Variants in FGD6 observed in about 807,000 individuals in gnomAD.
FGD6 encodes FYVE, RhoGEF and PH domain containing 6, also known as FYVE, RhoGEF and PH domain-containing protein 6.
Under a neutral mutation model 149.4 loss-of-function variants are expected in FGD6, and 90 were observed. The observed-to-expected ratio is 0.60, with a 90% CI of 0.51 to 0.72. The LOEUF is 0.72. Ranked by LOEUF, FGD6 falls within the 30% of genes least tolerant of loss-of-function variation. The pLI is 0.00. For missense variants in FGD6, 1,437 were observed against 1,684.8 expected, an observed-to-expected ratio of 0.85 and a Z score of 2.57; for synonymous variants, 527 against 584.0, an observed-to-expected ratio of 0.90 and a Z score of 1.41.
chr12:95,181,809 C>G (rs994965417), intron 2 of FGD6, among the ~76,000 whole-genome samples: 1 of 152,048 alleles, frequency 6.6e-6, no homozygotes, highest in African/African-American at 2.4e-5. Context: ...AAAAAATTAG[C>G]TGGGCGTGGT....
chr12:95,082,331 C>T (rs1877702060), intron 20 of FGD6, among the ~76,000 whole-genome samples: 1 of 152,002 alleles, frequency 6.6e-6, no homozygotes, highest in Admixed American at 6.6e-5. Context: ...AGGAATCTGG[C>T]ATCTAGTGTT....
chr12:95,108,768 G>A (rs1878717159), intron 9 of FGD6, among the ~76,000 whole-genome samples: 2 of 151,938 alleles, frequency 1.3e-5, no homozygotes, highest in Admixed American at 6.6e-5. Context: ...CCAAAAACCT[G>A]GCCAAAACAA....
intron 9 of FGD6, 72 bp downstream of exon 9, chr12:95,113,579 T>C (rs1297562134): frequency 6.0e-6 from 7 of 1,162,396 alleles, no homozygotes; most frequent in African/African-American, 1.6e-5. Flanking sequence ...TTGTTATCAA[T>C]ATATTTTTAC....
In FGD6 at chr12:95,217,337, C is replaced by G; in HGVS notation, c.-97G>C. The G allele has an allele frequency of 6.9e-7, 1 of 1,439,404 alleles. No homozygotes were observed. The highest frequency in any genetic ancestry group is 2.6e-5 in the Admixed American group (1 of 38,838). 89.2% of individuals were successfully genotyped at this position (1,439,404 alleles called of 1,614,324 possible). A position where few individuals can be genotyped will look rare whatever the true frequency, so the allele number is the denominator to read the frequency against. On this transcript the variant is annotated 5_prime_UTR_variant, in exon 1 of 21. Coordinates refer to ENST00000343958, the MANE Select transcript of FGD6 (RefSeq NM_018351.4). ...CAGTTCGGGTAGGAGAGAAAAGCCCCCGCAGCGCCCACATTCCGTCCCGCC... is the reference window on the plus strand; with the variant it reads ...CAGTTCGGGTAGGAGAGAAAAGCCCGCGCAGCGCCCACATTCCGTCCCGCC...
At chr12:95,135,037 C>T (rs1407947484) in intron 7 of FGD6, among the ~76,000 whole-genome samples, 1 of 152,154 alleles carries the variant, frequency 6.6e-6, no homozygotes, top group Non-Finnish European at 1.5e-5. Flanking sequence ...TTCCTGTAGG[C>T]AGTCCCTGAA....
At chr12:95,178,518 T>C (rs1009692541) in intron 2 of FGD6, among the ~76,000 whole-genome samples, 1 of 152,192 alleles carries the variant, frequency 6.6e-6, no homozygotes, top group Non-Finnish European at 1.5e-5. Flanking sequence ...ATTGAATAAG[T>C]ATAATAGCAG....
intron 2 of FGD6, among the ~76,000 whole-genome samples, chr12:95,182,451 T>C (rs1881312565): frequency 6.6e-6 from 1 of 152,168 alleles, no homozygotes; most frequent in Non-Finnish European, 1.5e-5. Flanking sequence ...TCCACCTGCC[T>C]TGGCCTCCCA....
Position 95,106,989 on chromosome 12 carries a change from T to A in FGD6, c.3382A>T (p.Lys1128Ter), listed in dbSNP as rs1878649720. ...GCCAGTGAGAGCATGTTGTTCAGTT[T>A]ATACATCCCAGACTGCACTGGTGTT... Reference protein sequence around the residue: ...YTTPVQSGMYKLNNMLSLAGM... With the variant: ...YTTPVQSGMY Residue 1128 changes from lysine to a stop codon, truncating the protein, a stop_gained, in exon 13 of 21, where the codon AAA becomes TAA. Coordinates refer to ENST00000343958, the MANE Select transcript of FGD6 (RefSeq NM_018351.4). LOFTEE classifies it high-confidence loss of function. 1 of 1,613,758 alleles carries A rather than the reference T, an allele frequency of 6.2e-7. No individual in the cohort carries two copies.
At chr12:95,135,546 C>A (rs1879641277) in intron 7 of FGD6, among the ~76,000 whole-genome samples, 1 of 152,142 alleles carries the variant, frequency 6.6e-6, no homozygotes, top group Admixed American at 6.6e-5. Context: ...TCTATCTCGG[C>A]CCATTCCTGA....
intron 5 of FGD6, among the ~76,000 whole-genome samples, chr12:95,151,330 G>A (rs1382422176): frequency 1.3e-5 from 2 of 152,078 alleles, no homozygotes; most frequent in African/African-American, 2.4e-5. Context: ...GAGTGCAGTG[G>A]TACCATCTTG....
intron 20 of FGD6, among the ~76,000 whole-genome samples, chr12:95,082,984 TAAAA>T (rs1173446654): frequency 6.1e-4 from 19 of 31,106 alleles, no homozygotes; most frequent in East Asian, 1.0e-3. Flanking sequence ...CTGTCTCCAT[TAAAA>T]AAAAAAAAAA....
chr12:95,116,524 G>C (rs561015392), intron 8 of FGD6, among the ~76,000 whole-genome samples: 33 of 152,274 alleles, frequency 2.2e-4, no homozygotes, highest in South Asian at 1.2e-3. Flanking sequence ...CCTGACCTCA[G>C]AATCACTGTG....
chr12:95,216,866 A>C (rs570128779), intron 1 of FGD6, among the ~76,000 whole-genome samples: 1 of 152,324 alleles, frequency 6.6e-6, no homozygotes, highest in East Asian at 1.9e-4. Flanking sequence ...TACCTATAAT[A>C]ACTGATCTAT....
Position 95,209,069 on chromosome 12 carries a change from A to C in FGD6, c.2215T>G (p.Ser739Ala). 6.2e-7 allele frequency: 1 copy of C among 1,614,068 alleles called. No individual in the cohort carries two copies. The highest frequency in any genetic ancestry group is 8.5e-7 in the Non-Finnish European group (1 of 1,180,010). ...RESSSQAPYK[S>A]VTSLCAPEYE... Reference sequence around the variant, plus strand: ...TCCGGTGCACAGAGGCTTGTAACAGACTTGTAAGGTGCCTGAGATGATGAC... The same window carrying C: ...TCCGGTGCACAGAGGCTTGTAACAGCCTTGTAAGGTGCCTGAGATGATGAC... The change falls in exon 2 of 21, where the codon TCT becomes GCT. Residue 739 changes from serine (S) to alanine (A), a missense_variant. Ser to Ala is a moderately conservative substitution (Grantham distance 99). This residue lies in a region of FGD6 where 1,055 missense variants were observed against 1,146.0 expected (regional missense o/e 0.92). Transcript: ENST00000343958.
At chr12:95,186,215 T>C (rs1881424447) in intron 2 of FGD6, among the ~76,000 whole-genome samples, 1 of 142,974 alleles carries the variant, frequency 7.0e-6, no homozygotes, top group Non-Finnish European at 1.5e-5. Flanking sequence ...AGAATGCTTC[T>C]TATATTCTTC....
intron 3 of FGD6, among the ~76,000 whole-genome samples, chr12:95,155,628 C>G (rs972682133): frequency 2.6e-5 from 4 of 152,160 alleles, no homozygotes; most frequent in African/African-American, 9.7e-5. Context: ...TGCATTCATT[C>G]TTTTTATTAT....
At chr12:95,084,808 C>A (rs1877805387) in intron 19 of FGD6, among the ~76,000 whole-genome samples, 162 bp from the exon 20 acceptor site, 3 of 152,206 alleles carry the variant, frequency 2.0e-5, no homozygotes, top group South Asian at 2.1e-4. Flanking sequence ...CAATAATATT[C>A]ATTGAGCCAC....
At chr12:95,182,968 T>C (rs1227493359) in intron 2 of FGD6, among the ~76,000 whole-genome samples, 2 of 152,246 alleles carry the variant, frequency 1.3e-5, no homozygotes, top group East Asian at 3.9e-4. Context: ...GTCATCATAA[T>C]CCTAACAGCC....
chr12:95,124,968 G>T (rs571267556), intron 8 of FGD6, among the ~76,000 whole-genome samples: 1 of 152,206 alleles, frequency 6.6e-6, no homozygotes, highest in Non-Finnish European at 1.5e-5. Flanking sequence ...AGAAGTGCAT[G>T]CATTAATTAC....
Sources: gnomAD v4.1 joint callset for allele counts (sites outside exome capture counted in the v4.1 genomes callset) on GRCh38, gnomAD v4.1.1 for gene constraint, gnomAD v4.1.1 regional missense constraint, MANE v1.5 for transcripts, NCBI Gene and HGNC (gene_info 2026-07-23, HGNC 2026-07-21) for gene names.